The following PDZD2 variants were observed in gnomAD, a reference collection of about 807,000 sequenced individuals.
The protein encoded by PDZD2 is PDZ domain containing 2, also known as PDZ domain-containing protein 2.
In PDZD2, 90 loss-of-function variants were observed where a neutral mutation model predicts 220.7. The observed-to-expected ratio is 0.41, with a 90% CI of 0.34 to 0.49. The LOEUF is 0.49. Among genes scored for constraint, PDZD2 ranks in the 20% least tolerant of loss-of-function variants. PDZD2 has a pLI of 0.28. For missense variants in PDZD2, 3,174 were observed against 3,608.5 expected (o/e 0.88, Z 3.08); for synonymous variants, 1,375 against 1,450.5 (o/e 0.95, Z 1.18).
At chr5:31,965,302 A>C (rs1423551606) in intron 2 of PDZD2, among the ~76,000 whole-genome samples, 1 of 152,158 alleles carries the variant, frequency 6.6e-6, no homozygotes, top group Non-Finnish European at 1.5e-5. Context: ...TGGAGGAGGC[A>C]GTGTCTGATT....
At chr5:31,954,111 G>A (rs954709154) in intron 2 of PDZD2, among the ~76,000 whole-genome samples, 7 of 151,856 alleles carry the variant, frequency 4.6e-5, no homozygotes, top group African/African-American at 1.7e-4. Context: ...GTGAGACACT[G>A]TCCCTGTCTC....
At chr5:31,856,351 G>A (rs1464388409) in intron 2 of PDZD2, among the ~76,000 whole-genome samples, 1 of 152,132 alleles carries the variant, frequency 6.6e-6, no homozygotes, top group Non-Finnish European at 1.5e-5. Flanking sequence ...AGACAGGATG[G>A]CCTCTGGGGA....
At chr5:31,905,924 C>G (rs573083208) in intron 2 of PDZD2, among the ~76,000 whole-genome samples, 2 of 152,086 alleles carry the variant, frequency 1.3e-5, no homozygotes, top group South Asian at 2.1e-4. Context: ...TCCCCTCCCC[C>G]ATTCTTGCCT....
chr5:32,039,917 G>A (rs1389349050), intron 7 of PDZD2, among the ~76,000 whole-genome samples: 3 of 143,430 alleles, frequency 2.1e-5, no homozygotes, highest in Non-Finnish European at 4.6e-5. Context: ...CCCCATCTGG[G>A]AGGAAGTGAG....
intron 1 of PDZD2, among the ~76,000 whole-genome samples, chr5:31,651,432 G>A (rs935046504): frequency 6.6e-6 from 1 of 152,158 alleles, no homozygotes; most frequent in Non-Finnish European, 1.5e-5. Context: ...AACCAAAGAG[G>A]AGCTGCTCAT....
intron 2 of PDZD2, among the ~76,000 whole-genome samples, chr5:31,899,344 G>A (rs1318118659): frequency 6.6e-6 from 1 of 152,026 alleles, no homozygotes; most frequent in Non-Finnish European, 1.5e-5. Context: ...TGTTGACCAG[G>A]CTGGTCTCGA....
At chr5:31,876,109 C>T (rs1739275531) in intron 2 of PDZD2, among the ~76,000 whole-genome samples, 1 of 151,852 alleles carries the variant, frequency 6.6e-6, no homozygotes. Context: ...TTCATTAATC[C>T]AAATATTCTT....
intron 2 of PDZD2, among the ~76,000 whole-genome samples, chr5:31,960,201 C>T (rs1748083661): frequency 6.7e-6 from 1 of 150,096 alleles, no homozygotes; most frequent in African/African-American, 2.5e-5. Flanking sequence ...TTCTTTCCTT[C>T]CTTTCCTTCC....
rs143879328 is a variant in PDZD2 at position 31,847,668 on chromosome 5, T to G, written c.476+47944T>G. On this transcript the variant is annotated intron_variant, in intron 2 of 24. Coordinates refer to ENST00000438447, the MANE Select transcript of PDZD2 (RefSeq NM_178140.4). ...GAGATGAATACAATGTGGAAAGCAT[T>G]GATGGCCAGCCCGGTGCCTTTACCT... 4.5e-3 allele frequency: 2,734 copies of G among 611,446 alleles called. 61 individuals carry two copies. Among genetic ancestry groups the G allele is most frequent in the Admixed American group, 0.032 (1,755 of 54,390 alleles). 37.9% of individuals were successfully genotyped at this position (611,446 alleles called of 1,614,324 possible). A position where few individuals can be genotyped will look rare whatever the true frequency, so the allele number is the denominator to read the frequency against.
At chr5:32,055,356 T>C (rs161534) in intron 10 of PDZD2, among the ~76,000 whole-genome samples, 115,161 of 151,910 alleles carry the variant, frequency 0.76, 43,824 homozygotes, top group South Asian at 0.89. Context: ...TGTGCACCAC[T>C]GTGCCCAGCT....
chr5:31,831,911 CAAAAAA>C (rs56394577), intron 2 of PDZD2, among the ~76,000 whole-genome samples: 4 of 63,732 alleles, frequency 6.3e-5, no homozygotes, highest in South Asian at 7.7e-4. Context: ...GAGACTGTTT[CAAAAAA>C]AAAAAAAAAA....
At chr5:32,065,978 C>A (rs1740175668) in intron 14 of PDZD2, among the ~76,000 whole-genome samples, 1 of 151,496 alleles carries the variant, frequency 6.6e-6, no homozygotes, top group Non-Finnish European at 1.5e-5. Flanking sequence ...GAGCCGAGAT[C>A]GCACCATCAC....
intron 6 of PDZD2, among the ~76,000 whole-genome samples, chr5:32,020,193 C>T (rs1754090090): frequency 6.6e-6 from 1 of 151,802 alleles, no homozygotes; most frequent in African/African-American, 2.4e-5. Flanking sequence ...TTAGTGGAGA[C>T]AAGGTTTCAC....
intron 1 of PDZD2, among the ~76,000 whole-genome samples, chr5:31,740,250 G>A (rs1750164445): frequency 6.6e-6 from 1 of 151,998 alleles, no homozygotes; most frequent in African/African-American, 2.4e-5. Flanking sequence ...GCTGGGTGCG[G>A]TGGCTCAAGC....
intron 2 of PDZD2, among the ~76,000 whole-genome samples, chr5:31,846,643 A>C (rs1295962227): frequency 6.6e-6 from 1 of 152,236 alleles, no homozygotes; most frequent in Non-Finnish European, 1.5e-5. Context: ...AGTTGATTGG[A>C]TAGAATTGTC....
intron 2 of PDZD2, among the ~76,000 whole-genome samples, chr5:31,813,272 A>G (rs1361412461): frequency 1.3e-5 from 2 of 151,990 alleles, no homozygotes; most frequent in Non-Finnish European, 1.5e-5. Context: ...AACACGGTGA[A>G]ACCCCGTCTC....
chr5:31,716,150 C>A (rs959382865), intron 1 of PDZD2, among the ~76,000 whole-genome samples: 6 of 152,172 alleles, frequency 3.9e-5, no homozygotes, highest in Non-Finnish European at 8.8e-5. Flanking sequence ...ACAGATAGAA[C>A]CAACGCCTCT....
chr5:31,905,371 C>G (rs1742550950), intron 2 of PDZD2, among the ~76,000 whole-genome samples: 2 of 152,174 alleles, frequency 1.3e-5, no homozygotes, highest in Non-Finnish European at 2.9e-5. Flanking sequence ...TGCAGGTGTT[C>G]TAGTTTAAGC....
chr5:32,031,064 A>T (rs576004824), intron 6 of PDZD2, among the ~76,000 whole-genome samples: 15 of 151,632 alleles, frequency 9.9e-5, no homozygotes, highest in African/African-American at 3.6e-4. Flanking sequence ...TCTTAAAATC[A>T]TTTGTCTCAT....
Sources: gnomAD v4.1 joint callset for allele counts (sites outside exome capture counted in the v4.1 genomes callset) on GRCh38, gnomAD v4.1.1 for gene constraint, MANE v1.5 for transcripts, NCBI Gene and HGNC (gene_info 2026-07-23, HGNC 2026-07-21) for gene names.